The following UGT3A1 variants were observed in gnomAD, a reference collection of about 807,000 sequenced individuals.
UGT3A1 encodes UDP glycosyltransferase family 3 member A1, also known as UDP-glycosyltransferase 3A1.
In UGT3A1, 40 loss-of-function variants were observed where a neutral mutation model predicts 37.6. That is an observed-to-expected ratio of 1.06 (90% CI 0.83 to 1.38). The LOEUF (loss-of-function observed/expected upper bound fraction) is 1.38. Among genes scored for constraint, UGT3A1 ranks in the 40% most tolerant of loss-of-function variants. The probability of loss-of-function intolerance (pLI) is 0.00; values close to 1 mark genes in which losing one functional copy is unlikely to be tolerated. For synonymous variants in UGT3A1, 256 were observed against 232.3 expected (o/e 1.10, Z -0.93); for missense variants, 642 against 634.2 (o/e 1.01, Z -0.13).
At chr5:35,981,516 G>A (rs1425554347) in intron 2 of UGT3A1, among the ~76,000 whole-genome samples, 3 of 152,194 alleles carry the variant, frequency 2.0e-5, no homozygotes, top group Admixed American at 6.5e-5. Flanking sequence ...AGAGATCTGT[G>A]AAACTTTGAA....
chr5:35,995,856 GTTGA>G (rs1741082163), upstream of UGT3A1, among the ~76,000 whole-genome samples: 1 of 152,142 alleles, frequency 6.6e-6, no homozygotes, highest in Non-Finnish European at 1.5e-5. Flanking sequence ...CAGGATGTCA[GTTGA>G]TTGCTTTGAA....
chr5:35,976,796 T>G (rs971909157), intron 2 of UGT3A1, among the ~76,000 whole-genome samples: 22 of 148,326 alleles, frequency 1.5e-4, no homozygotes, highest in African/African-American at 4.5e-4. Context: ...ATTGTGCCAG[T>G]GCACTCTAGC....
intron 2 of UGT3A1, among the ~76,000 whole-genome samples, chr5:35,985,955 C>A (rs190465188): frequency 2.0e-5 from 3 of 152,106 alleles, no homozygotes; most frequent in African/African-American, 7.2e-5. Context: ...GCAAACTATT[C>A]TTTTCACAAT....
At chr5:35,984,823 T>C (rs1216036327) in intron 2 of UGT3A1, among the ~76,000 whole-genome samples, 1 of 152,114 alleles carries the variant, frequency 6.6e-6, no homozygotes, top group Non-Finnish European at 1.5e-5. Context: ...TTTAAAAGAC[T>C]TAGCACAGCC....
At chr5:35,972,683 G>C (rs935300971) in intron 2 of UGT3A1, among the ~76,000 whole-genome samples, 11 of 152,178 alleles carry the variant, frequency 7.2e-5, no homozygotes, top group Admixed American at 2.6e-4. Context: ...TGTGGCATTA[G>C]GTGGCAATCA....
intron 1 of UGT3A1, among the ~76,000 whole-genome samples, chr5:35,990,750 C>T (rs1306231495): frequency 6.6e-6 from 1 of 152,142 alleles, no homozygotes; most frequent in Non-Finnish European, 1.5e-5. Context: ...CGGTCACCAC[C>T]GTTTCTGCTG....
At chr5:35,963,113 C>A (rs1022662303) in intron 4 of UGT3A1, among the ~76,000 whole-genome samples, 1 of 152,338 alleles carries the variant, frequency 6.6e-6, no homozygotes, top group South Asian at 2.1e-4. Flanking sequence ...CTGTGGTCTG[C>A]ACCCGTGAAG....
intron 2 of UGT3A1, among the ~76,000 whole-genome samples, chr5:35,979,372 A>T (rs1321219414): frequency 1.3e-5 from 2 of 152,150 alleles, no homozygotes; most frequent in Non-Finnish European, 2.9e-5. Context: ...CACCCAAGTC[A>T]CATCTTGAAT....
chr5:35,979,048 G>A (rs1024862617), intron 2 of UGT3A1, among the ~76,000 whole-genome samples: 2 of 152,270 alleles, frequency 1.3e-5, no homozygotes, highest in Non-Finnish European at 2.9e-5. Flanking sequence ...TCACACTGAT[G>A]CAAGAGGTAG....
At position 35,965,421 on chromosome 5, in the gene UGT3A1, C is replaced by T. The variant is rs754028698; in HGVS notation, c.808G>A (p.Gly270Ser). ...PLLPNTVYIG[G>S]LMEKPIKPVP... is the part of the protein sequence containing the mutation. ...GGTTTAATAGGTTTTTCCATCAAGC[C>T]TCCAATATAAACAGTGTTGGGAAGC... Residue 270 changes from glycine to serine, a missense_variant, in exon 4 of 7, where the codon GGC becomes AGC. Physicochemically the swap from Gly to Ser is moderately conservative, Grantham distance 56. Coordinates refer to ENST00000274278, the MANE Select transcript of UGT3A1 (RefSeq NM_152404.4). 2.5e-6 allele frequency: 4 copies of T among 1,614,092 alleles called. No homozygotes were observed. The Admixed American group carries it at 6.7e-5, about 27-fold the overall frequency.
At chr5:35,957,992 G>A (rs896854092) in intron 4 of UGT3A1, among the ~76,000 whole-genome samples, 1 of 152,128 alleles carries the variant, frequency 6.6e-6, no homozygotes, top group Non-Finnish European at 1.5e-5. Flanking sequence ...TATTGCTGTA[G>A]TAATGTCTAT....
rs1283658697 is a variant in UGT3A1, at chr5:35,965,407, T to C, written c.822A>G (p.Lys274=). 1.2e-6 allele frequency: 2 copies of C among 1,613,878 alleles called. No individual in the cohort carries two copies. The highest frequency in any genetic ancestry group is 1.7e-6 in the Non-Finnish European group (2 of 1,179,942). Reference sequence around the variant, plus strand: ...TTACTTGTGGTACTGGTTTAATAGGTTTTTCCATCAAGCCTCCAATATAAA... The same window carrying C: ...TTACTTGTGGTACTGGTTTAATAGGCTTTTCCATCAAGCCTCCAATATAAA... The part of the protein sequence containing the change: ...NTVYIGGLME[K]PIKPVPQDLD... Residue 274 remains lysine, a synonymous_variant, in exon 4 of 7, where the codon AAA becomes AAG. Coordinates refer to ENST00000274278, the MANE Select transcript of UGT3A1 (RefSeq NM_152404.4).
chr5:35,960,614 AC>A (rs1185365179), intron 4 of UGT3A1: 1 of 152,212 alleles, frequency 6.6e-6, no homozygotes, highest in Admixed American at 6.5e-5. Context: ...CCTAAAGCCC[AC>A]GTGAGCATGG....
intron 4 of UGT3A1, chr5:35,962,415 G>C (rs2149956336): frequency 6.5e-6 from 1 of 154,626 alleles, no homozygotes; most frequent in South Asian, 2.0e-4. Flanking sequence ...AGGATTTCTA[G>C]GATTAGGCAA....
At position 35,968,042 on chromosome 5, in the gene UGT3A1, G is replaced by A. The variant is rs763542182; in HGVS notation, c.288C>T (p.Tyr96=). ...ACCTGCCATCCAATGCTGTTTCTAT[G>A]TAGCTATCAAAATGCTTCTTAATTC... ...QKRIKKHFDS[Y]IETALDGRKE... is the part of the protein sequence containing the mutation. The change falls in exon 3 of 7, where the codon TAC becomes TAT. Residue 96 remains tyrosine (Y), a synonymous_variant. Coordinates refer to ENST00000274278, the MANE Select transcript of UGT3A1 (RefSeq NM_152404.4). 1 of 1,612,372 alleles carries A rather than the reference G, an allele frequency of 6.2e-7. No individual in the cohort carries two copies. Among genetic ancestry groups the A allele is most frequent in the Non-Finnish European group, 8.5e-7 (1 of 1,179,556 alleles).
At chr5:35,970,414 T>C (rs550186650) in intron 2 of UGT3A1, among the ~76,000 whole-genome samples, 95 of 147,024 alleles carry the variant, frequency 6.5e-4, no homozygotes, top group African/African-American at 2.3e-3. Context: ...AGCCATCAGA[T>C]CTCGTAAGAC....
chr5:35,958,606 G>T (rs1414307451), intron 4 of UGT3A1, among the ~76,000 whole-genome samples: 2 of 152,166 alleles, frequency 1.3e-5, no homozygotes, highest in Admixed American at 6.5e-5. Context: ...AAATCAACTG[G>T]AGACTGACTC....
At position 35,965,792 on chromosome 5, in the gene UGT3A1, G is replaced by C; in HGVS notation, c.437C>G (p.Ala146Gly). 6.2e-7 allele frequency: 1 copy of C among 1,614,144 alleles called. No individual in the cohort carries two copies. Among genetic ancestry groups the C allele is most frequent in the East Asian group, 2.2e-5 (1 of 44,880 alleles). ...AATCAGGAAAGAACAGAAATCAAAT[G>C]CTTCAACAAATACCAGATCATAGTT... ...NENYDLVFVEAFDFCSFLIAE... is the reference protein window; with the variant it reads ...NENYDLVFVEGFDFCSFLIAE... The change falls in exon 4 of 7, where the codon GCA (alanine) becomes GGA (glycine). Residue 146 changes from alanine (A) to glycine (G), a missense_variant. By Grantham distance (60) the Ala-to-Gly change is moderately conservative. Transcript: ENST00000274278.
chr5:35,981,089 T>C (rs114537622), intron 2 of UGT3A1, among the ~76,000 whole-genome samples: 83 of 152,226 alleles, frequency 5.5e-4, no homozygotes, highest in African/African-American at 1.9e-3. Context: ...ACTCGGGCAG[T>C]CACCCAAAAA....
Sources: gnomAD v4.1 joint callset for allele counts (sites outside exome capture counted in the v4.1 genomes callset) on GRCh38, gnomAD v4.1.1 for gene constraint, MANE v1.5 for transcripts, NCBI Gene and HGNC (gene_info 2026-07-23, HGNC 2026-07-21) for gene names.